SGCZ: variants seen among roughly 807,000 people sequenced by gnomAD.
SGCZ encodes zeta-sarcoglycan.
SGCZ carries 40 observed loss-of-function variants against 41.3 expected under a neutral mutation model. The observed-to-expected ratio is 0.97, with a 90% CI of 0.75 to 1.26. The LOEUF (loss-of-function observed/expected upper bound fraction) is 1.26, where lower values mean the gene tolerates loss of function less well. SGCZ is among the 50% of genes most tolerant of loss of function. The pLI is 0.00. For missense variants in SGCZ, 552 were observed against 369.8 expected, an observed-to-expected ratio of 1.49 and a Z score of -4.04; for synonymous variants, 206 against 137.5, an observed-to-expected ratio of 1.50 and a Z score of -3.49.
intron 2 of SGCZ, among the ~76,000 whole-genome samples, chr8:14,418,200 C>T (rs1456313997): frequency 6.6e-6 from 1 of 151,876 alleles, no homozygotes. Context: ...ATGTATACCA[C>T]TGAGGCATTT....
chr8:14,735,779 A>C (rs896868805), intron 1 of SGCZ, among the ~76,000 whole-genome samples: 1 of 152,232 alleles, frequency 6.6e-6, no homozygotes, highest in South Asian at 2.1e-4. Context: ...ATATAAATAT[A>C]TTAGTATAAC....
chr8:14,117,100 G>A (rs569452593), intron 5 of SGCZ, among the ~76,000 whole-genome samples: 3 of 152,032 alleles, frequency 2.0e-5, no homozygotes, highest in Non-Finnish European at 2.9e-5. Context: ...AAAGATGGTC[G>A]TCCTATGACC....
chr8:14,995,974 C>A (rs1288471752), intron 1 of SGCZ, among the ~76,000 whole-genome samples: 1 of 151,794 alleles, frequency 6.6e-6, no homozygotes, highest in African/African-American at 2.4e-5. Context: ...TGTGATCTCG[C>A]CTCACTGCAA....
At chr8:14,692,694 G>A (rs1171722552) in intron 1 of SGCZ, among the ~76,000 whole-genome samples, 1 of 152,080 alleles carries the variant, frequency 6.6e-6, no homozygotes, top group Non-Finnish European at 1.5e-5. Flanking sequence ...AACATAACCT[G>A]CTTAAAAGTT....
intron 1 of SGCZ, among the ~76,000 whole-genome samples, chr8:14,679,051 C>T (rs753735662): frequency 1.4e-4 from 22 of 152,062 alleles, no homozygotes; most frequent in Non-Finnish European, 2.4e-4. Context: ...AAATTCCTAT[C>T]GTCTAGTGAT....
intron 1 of SGCZ, among the ~76,000 whole-genome samples, chr8:14,871,679 C>G (rs905933872): frequency 6.6e-6 from 1 of 151,842 alleles, no homozygotes; most frequent in Non-Finnish European, 1.5e-5. Context: ...TGGCATGCAC[C>G]TGTAGTCCCA....
chr8:15,114,677 G>C (rs1807200672), intron 1 of SGCZ, among the ~76,000 whole-genome samples: 1 of 151,856 alleles, frequency 6.6e-6, no homozygotes, highest in Admixed American at 6.6e-5. Context: ...CAAATATTCA[G>C]ATCTGAGCTA....
chr8:15,218,752 G>A (rs539604534), intron 1 of SGCZ, among the ~76,000 whole-genome samples: 1 of 152,236 alleles, frequency 6.6e-6, no homozygotes, highest in South Asian at 2.1e-4. Flanking sequence ...CGCATGGATG[G>A]ATAGTTCTGT....
At chr8:15,236,444 G>GGGGGGGGGT (rs1802122420) in intron 1 of SGCZ, among the ~76,000 whole-genome samples, 1 of 151,526 alleles carries the variant, frequency 6.6e-6, no homozygotes, top group African/African-American at 2.4e-5. Context: ...GCGGGTGGGG[G>GGGGGGGGGT]GGTGCCTAAA....
intron 3 of SGCZ, among the ~76,000 whole-genome samples, chr8:14,299,697 C>G (rs1801124245): frequency 6.6e-6 from 1 of 151,836 alleles, no homozygotes; most frequent in East Asian, 1.9e-4. Flanking sequence ...GATCTCTTTA[C>G]ACGCTGCTGG....
At chr8:14,318,186 G>C (rs1216590796) in intron 3 of SGCZ, among the ~76,000 whole-genome samples, 1 of 151,386 alleles carries the variant, frequency 6.6e-6, no homozygotes, top group Admixed American at 6.6e-5. Context: ...AAAGAAACAA[G>C]GAAGAGGAAA....
At chr8:15,219,123 T>C (rs1323470188) in intron 1 of SGCZ, among the ~76,000 whole-genome samples, 1 of 152,210 alleles carries the variant, frequency 6.6e-6, no homozygotes, top group Non-Finnish European at 1.5e-5. Context: ...ACATATTGAG[T>C]ACTTTTTTAC....
intron 2 of SGCZ, among the ~76,000 whole-genome samples, chr8:14,514,048 C>T (rs1000709180): frequency 4.6e-5 from 7 of 152,028 alleles, no homozygotes; most frequent in African/African-American, 1.4e-4. Flanking sequence ...ATAATAAGAA[C>T]ACTGTAGGAG....
At chr8:14,786,956 G>A (rs1800787711) in intron 1 of SGCZ, among the ~76,000 whole-genome samples, 1 of 152,002 alleles carries the variant, frequency 6.6e-6, no homozygotes, top group African/African-American at 2.4e-5. Flanking sequence ...AGATGTACCT[G>A]GATACCTGGT....
At chr8:14,386,795 A>G (rs1297230989) in intron 2 of SGCZ, among the ~76,000 whole-genome samples, 1 of 152,226 alleles carries the variant, frequency 6.6e-6, no homozygotes, top group Non-Finnish European at 1.5e-5. Context: ...CATGCAAGAC[A>G]GAATTAGACA....
At chr8:14,954,002 A>T (rs536803444) in intron 1 of SGCZ, among the ~76,000 whole-genome samples, 1 of 152,164 alleles carries the variant, frequency 6.6e-6, no homozygotes, top group African/African-American at 2.4e-5. Context: ...CAGTTTAAGG[A>T]AATTTATATG....
intron 2 of SGCZ, among the ~76,000 whole-genome samples, chr8:14,464,608 T>A (rs1800996513): frequency 6.6e-6 from 1 of 151,492 alleles, no homozygotes; most frequent in South Asian, 2.1e-4. Context: ...TCTGCTTTAG[T>A]CTTTATGATT....
At chr8:14,977,369 C>A (rs749474145) in intron 1 of SGCZ, among the ~76,000 whole-genome samples, 6 of 152,174 alleles carry the variant, frequency 3.9e-5, no homozygotes, top group African/African-American at 1.4e-4. Flanking sequence ...AATCCATGTA[C>A]CCAGCACTAA....
At chr8:14,820,276 T>A (rs1018362301) in intron 1 of SGCZ, among the ~76,000 whole-genome samples, 1 of 152,016 alleles carries the variant, frequency 6.6e-6, no homozygotes, top group Non-Finnish European at 1.5e-5. Flanking sequence ...GACATCATTA[T>A]ACAATGAAAA....
Sources: allele counts gnomAD v4.1 joint callset (sites outside exome capture counted in the v4.1 genomes callset), GRCh38; gene constraint gnomAD v4.1.1; transcripts MANE v1.5; gene names NCBI Gene and HGNC (gene_info 2026-07-23, HGNC 2026-07-21).